The following PIGN variants were observed in gnomAD, a reference collection of about 807,000 sequenced individuals.
The protein encoded by PIGN is GPI ethanolamine phosphate transferase 1.
A neutral mutation model predicts 125.4 loss-of-function variants in PIGN; 117 were observed. That is an observed-to-expected ratio of 0.93 (90% confidence interval 0.80 to 1.09). The LOEUF is 1.09. PIGN is among the 50% of genes least tolerant of loss of function. The pLI is 0.00. For missense variants in PIGN, 1,075 were observed against 1,094.9 expected (o/e 0.98, Z 0.26); for synonymous variants, 392 against 377.8 (o/e 1.04, Z -0.44).
intron 23 of PIGN, among the ~76,000 whole-genome samples, chr18:62,095,407 T>C (rs563517746): frequency 1.6e-3 from 239 of 152,316 alleles, no homozygotes; most frequent in Admixed American, 3.2e-3. Flanking sequence ...GGGAAAATAT[T>C]CTGAAGGTTC....
intron 30 of PIGN, among the ~76,000 whole-genome samples, chr18:62,067,180 C>G (rs1426423134): frequency 6.6e-6 from 1 of 152,172 alleles, no homozygotes; most frequent in Non-Finnish European, 1.5e-5. Context: ...GTGGTTACCC[C>G]CCTAATATGA....
At chr18:62,099,978 G>A (rs1181333739) in intron 22 of PIGN, among the ~76,000 whole-genome samples, 1 of 152,016 alleles carries the variant, frequency 6.6e-6, no homozygotes, top group Non-Finnish European at 1.5e-5. Flanking sequence ...ATTATATCAA[G>A]CTAAAAAGCT....
In PIGN at chr18:62,146,000, T is replaced by C. The variant is rs1487627564; in HGVS notation, c.831A>G (p.Ser277=). ...DWGSHGAGHP[S]ETLTPLVTWG... Reference sequence around the variant, plus strand: ...AAGTGACTAAAGGAGTTAAAGTCTCTGAAGGATGACCAGCCCCATGGGAAC... The same window carrying C: ...AAGTGACTAAAGGAGTTAAAGTCTCCGAAGGATGACCAGCCCCATGGGAAC... The change falls in exon 10 of 31, where the codon TCA becomes TCG. Residue 277 remains serine (S), a synonymous_variant. Transcript: ENST00000640252. 2.5e-6 allele frequency: 4 copies of C among 1,596,016 alleles called. No homozygotes were observed. Among genetic ancestry groups the C allele is most frequent in the Non-Finnish European group, 3.4e-6 (4 of 1,169,310 alleles).
At chr18:62,074,628 T>A (rs761265904) in intron 29 of PIGN, 151 bp downstream of exon 29, 2 of 500,850 alleles carry the variant, frequency 4.0e-6, no homozygotes, top group Non-Finnish European at 7.2e-6. Flanking sequence ...ATAACTAATA[T>A]AAAAGAACAT....
rs140085404 is a variant in PIGN, at chr18:62,101,948, G to A, written c.1969-765C>T. Among the ~76,000 whole-genome samples the A allele has an allele frequency of 3.4e-3, 515 of 152,178 alleles. 4 individuals are homozygous for A. The highest frequency in any genetic ancestry group is 0.012 in the African/African-American group (500 of 41,544). ...CTACAGATTAAAAACAAACTGAAGTGGCTGTGTGGTGGCTCACGCCTGTAA... is the reference window on the plus strand; with the variant it reads ...CTACAGATTAAAAACAAACTGAAGTAGCTGTGTGGTGGCTCACGCCTGTAA... On this transcript the variant is annotated intron_variant, in intron 21 of 30. Transcript: ENST00000640252.
At chr18:62,065,112 T>TC (rs2032430439) in intron 30 of PIGN, among the ~76,000 whole-genome samples, 7 of 151,882 alleles carry the variant, frequency 4.6e-5, no homozygotes, top group Admixed American at 1.3e-4. Flanking sequence ...TTCTTTTTCT[T>TC]TCTCTCTCTC....
At chr18:62,138,108 TCAATTTGGAGTTTAC>T in intron 14 of PIGN, 120 bp downstream of exon 14, 1 of 1,237,022 alleles carries the variant, frequency 8.1e-7, no homozygotes, top group Non-Finnish European at 1.1e-6. Flanking sequence ...GAAGAGGATT[TCAATTTGGAGTTTAC>T]ACTAATGTAT....
intron 23 of PIGN, among the ~76,000 whole-genome samples, chr18:62,032,350 G>C (rs995610596): frequency 6.6e-6 from 1 of 152,220 alleles, no homozygotes. Context: ...CTGATTAAAA[G>C]AAAACTGAGG....
rs560451248 is a variant in PIGN, at chr18:62,059,333, A to C, written c.2672+13340T>G. Among the ~76,000 whole-genome samples, 24 of 152,206 alleles carry C rather than the reference A, an allele frequency of 1.6e-4. 1 individual carries two copies. The South Asian group carries it at 5.0e-3, about 32-fold the overall frequency. On this transcript the variant is annotated intron_variant, in intron 30 of 30. Coordinates refer to ENST00000640252, the MANE Select transcript of PIGN (RefSeq NM_176787.5). ...AAAAGCTCAATCTGACCTTGGTTCCAGGGGGGAAACCAGGCAAGGAGGTGG... is the reference window on the plus strand; with the variant it reads ...AAAAGCTCAATCTGACCTTGGTTCCCGGGGGGAAACCAGGCAAGGAGGTGG...
chr18:62,074,822 C>A lies in PIGN; in HGVS notation c.2577-1G>T. The A allele has an allele frequency of 6.2e-7, 1 of 1,601,226 alleles. No homozygotes were observed. Among genetic ancestry groups the A allele is most frequent in the Non-Finnish European group, 8.5e-7 (1 of 1,171,522 alleles). ...TATGACGAGAACAATGAGAAAAAGGCTGGAAAAAAAAAGAAGGAAAAATTA... is the reference window on the plus strand; with the variant it reads ...TATGACGAGAACAATGAGAAAAAGGATGGAAAAAAAAAGAAGGAAAAATTA... On this transcript the variant is annotated splice_acceptor_variant, in intron 28 of 30. Coordinates refer to ENST00000640252, the MANE Select transcript of PIGN (RefSeq NM_176787.5). LOFTEE classifies it high-confidence loss of function.
chr18:62,032,964 A>G (rs2030211128), intron 23 of PIGN, among the ~76,000 whole-genome samples: 1 of 152,250 alleles, frequency 6.6e-6, no homozygotes, highest in Non-Finnish European at 1.5e-5. Context: ...GTCACAAGTA[A>G]CAGAGATGCA....
rs111591395 is a variant in PIGN, at chr18:62,062,573, C to G, written c.2672+10100G>C. ...GGGTGTAATGATTATAGCAGGCCAC[C>G]AGGCATAAATCAGGAAGTCTCCGGG... On this transcript the variant is annotated intron_variant, in intron 30 of 30. Transcript: ENST00000640252. Among the ~76,000 whole-genome samples the G allele has an allele frequency of 2.1e-3, 287 of 138,922 alleles. 1 individual carries two copies. The highest frequency in any genetic ancestry group is 6.4e-3 in the African/African-American group (261 of 40,822). The allele number at this position is 138,922 out of a possible 152,430, so 91.1% of individuals were successfully genotyped here. A position where few individuals can be genotyped will look rare whatever the true frequency, so the allele number is the denominator to read the frequency against.
intron 4 of PIGN, among the ~76,000 whole-genome samples, chr18:62,159,030 G>A (rs2147559764): frequency 6.6e-6 from 1 of 152,276 alleles, no homozygotes; most frequent in South Asian, 2.1e-4. Context: ...GGCAGGTGGA[G>A]GTCAGGAGTT....
At chr18:62,133,716 T>C (rs940928643) in intron 14 of PIGN, among the ~76,000 whole-genome samples, 1 of 152,210 alleles carries the variant, frequency 6.6e-6, no homozygotes, top group Non-Finnish European at 1.5e-5. Context: ...TTATGAATAG[T>C]ATCCTTTTCC....
chr18:62,037,304 G>A (rs1217200649), downstream of PIGN, among the ~76,000 whole-genome samples: 3 of 152,152 alleles, frequency 2.0e-5, no homozygotes, highest in Non-Finnish European at 2.9e-5. Flanking sequence ...GCCAAAGGGA[G>A]GACTCTGGAA....
At chr18:62,059,881 G>T (rs1261988968) in intron 30 of PIGN, among the ~76,000 whole-genome samples, 4 of 152,206 alleles carry the variant, frequency 2.6e-5, no homozygotes, top group African/African-American at 9.7e-5. Flanking sequence ...CATGCTAGCA[G>T]ATTTTTCTTG....
At chr18:62,033,424 A>C (rs72938028) in intron 23 of PIGN, among the ~76,000 whole-genome samples, 6,166 of 152,292 alleles carry the variant, frequency 0.04, 163 homozygotes, top group Non-Finnish European at 0.063. Flanking sequence ...AGTTAACCTG[A>C]ATCTTAGTTT....
chr18:62,041,943 C>T lies in PIGN; in HGVS notation c.*3913G>A, dbSNP rs1385872868. 1 of 152,138 alleles carries T rather than the reference C, an allele frequency of 6.6e-6. No homozygotes were observed. The highest frequency in any genetic ancestry group is 1.5e-5 in the Non-Finnish European group (1 of 68,026). 9.4% of individuals were successfully genotyped at this position (152,138 alleles called of 1,614,324 possible). A position where few individuals can be genotyped will look rare whatever the true frequency, so the allele number is the denominator to read the frequency against. ...ATCTTCCTCCCTTCACAACGTACAT[C>T]ACAAGTTAAATTCCCTTAGAACTAA... On this transcript the variant is annotated 3_prime_UTR_variant, in exon 31 of 31. Coordinates refer to ENST00000640252, the MANE Select transcript of PIGN (RefSeq NM_176787.5).
Position 62,082,697 on chromosome 18 carries a change from A to C in PIGN, c.2552T>G (p.Leu851Trp). 2 of 1,551,306 alleles carry C rather than the reference A, an allele frequency of 1.3e-6. No homozygotes were observed. Among genetic ancestry groups the C allele is most frequent in the Non-Finnish European group, 1.8e-6 (2 of 1,142,192 alleles). Reference protein sequence around the residue: ...LVMCAFEAVQLTTQLSSKSLF... With the variant: ...LVMCAFEAVQWTTQLSSKSLF... ...CCTTTTTGACGATAACTGAGTAGTC[A>C]ACTGAACTGCTTCAAAAGCACACAT... The change falls in exon 28 of 31, where the codon TTG (leucine) becomes TGG (tryptophan). Residue 851 changes from leucine (L) to tryptophan (W), a missense_variant. Leu to Trp is a moderately conservative substitution (Grantham distance 61). Transcript: ENST00000640252.
Sources: allele counts gnomAD v4.1 joint callset (sites outside exome capture counted in the v4.1 genomes callset), GRCh38; gene constraint gnomAD v4.1.1; transcripts MANE v1.5; gene names NCBI Gene and HGNC (gene_info 2026-07-23, HGNC 2026-07-21).